Variants in CORIN observed in about 807,000 individuals in gnomAD.
CORIN encodes corin, serine peptidase.
A neutral mutation model predicts 125.3 loss-of-function variants in CORIN; 117 were observed. The observed-to-expected ratio is 0.93, with a 90% CI of 0.80 to 1.09. The LOEUF is 1.09. Among genes scored for constraint, CORIN ranks in the 50% least tolerant of loss-of-function variants. The probability of loss-of-function intolerance (pLI) is 0.00; values close to 1 mark genes in which losing one functional copy is unlikely to be tolerated. For missense variants in CORIN, 1,253 were observed against 1,306.7 expected, an observed-to-expected ratio of 0.96 and a Z score of 0.63; for synonymous variants, 450 against 466.4, an observed-to-expected ratio of 0.96 and a Z score of 0.45.
chr4:47,626,348 T>C (rs530949403), intron 17 of CORIN, 57 bp downstream of exon 17: 5 of 1,034,430 alleles, frequency 4.8e-6, no homozygotes, highest in African/African-American at 1.6e-5. Context: ...AAAGGCCCAA[T>C]GATAAACTCT....
intron 5 of CORIN, among the ~76,000 whole-genome samples, chr4:47,697,917 T>A (rs1033441234): frequency 1.1e-4 from 17 of 152,026 alleles, no homozygotes; most frequent in South Asian, 2.1e-4. Flanking sequence ...AGTTATTTCA[T>A]GAGGAACTGG....
intron 5 of CORIN, among the ~76,000 whole-genome samples, chr4:47,729,986 G>A (rs142537121): frequency 8.5e-5 from 13 of 152,116 alleles, no homozygotes; most frequent in Admixed American, 3.9e-4. Context: ...CATCCACCTC[G>A]CTGAGAGCCA....
Position 47,623,587 on chromosome 4 carries a change from C to T in CORIN, c.2524G>A (p.Ala842Thr), listed in dbSNP as rs757662978. 2.5e-6 allele frequency: 4 copies of T among 1,613,928 alleles called. No individual in the cohort carries two copies. Among genetic ancestry groups the T allele is most frequent in the Non-Finnish European group, 3.4e-6 (4 of 1,179,952 alleles). Reference protein sequence around the residue: ...LIAKKWVLTVAHCFEGRENAA... With the variant: ...LIAKKWVLTVTHCFEGRENAA... ...GCAGCTTACCCCTCGAAGCAGTGGGCAACTGTCAGAACCCACTTCTTGGCA... is the reference window on the plus strand; with the variant it reads ...GCAGCTTACCCCTCGAAGCAGTGGGTAACTGTCAGAACCCACTTCTTGGCA... The change falls in exon 19 of 22, where the codon GCC (alanine) becomes ACC (threonine). Residue 842 changes from alanine to threonine, a missense_variant. Coordinates refer to ENST00000273857, the MANE Select transcript of CORIN (RefSeq NM_006587.4).
chr4:47,800,369 A>G (rs1252462287), intron 2 of CORIN, among the ~76,000 whole-genome samples: 1 of 152,200 alleles, frequency 6.6e-6, no homozygotes, highest in Non-Finnish European at 1.5e-5. Context: ...GCACAGACGT[A>G]CTTAAATGTA....
intron 4 of CORIN, among the ~76,000 whole-genome samples, chr4:47,761,399 G>C (rs1260191970): frequency 6.6e-6 from 1 of 152,064 alleles, no homozygotes; most frequent in African/African-American, 2.4e-5. Context: ...CCAGGCGAGG[G>C]AGAGAGACAA....
chr4:47,817,662 C>T (rs2109970046), intron 1 of CORIN, among the ~76,000 whole-genome samples: 1 of 152,282 alleles, frequency 6.6e-6, no homozygotes, highest in Admixed American at 6.5e-5. Context: ...TTGTGCCAGT[C>T]TTAAAATAAG....
intron 10 of CORIN, among the ~76,000 whole-genome samples, chr4:47,666,056 C>A (rs370142883): frequency 6.6e-6 from 1 of 152,138 alleles, no homozygotes; most frequent in Admixed American, 6.5e-5. Context: ...CAGGGCCATA[C>A]GGCACCTGCT....
chr4:47,676,830 T>G (rs147345305), intron 9 of CORIN, among the ~76,000 whole-genome samples: 1 of 152,178 alleles, frequency 6.6e-6, no homozygotes, highest in African/African-American at 2.4e-5. Flanking sequence ...GAAAGAATAG[T>G]TTGATGCAAA....
intron 5 of CORIN, among the ~76,000 whole-genome samples, chr4:47,734,500 T>C (rs987187643): frequency 1.3e-5 from 2 of 152,240 alleles, no homozygotes; most frequent in African/African-American, 2.4e-5. Flanking sequence ...TCTATTCCAT[T>C]GACATTTAAC....
chr4:47,705,983 T>A (rs983929196), intron 5 of CORIN, among the ~76,000 whole-genome samples: 2 of 152,232 alleles, frequency 1.3e-5, no homozygotes, highest in African/African-American at 4.8e-5. Context: ...CATAAACCAA[T>A]AACTATGTTA....
At chr4:47,610,927 C>T (rs1721843443) in intron 19 of CORIN, among the ~76,000 whole-genome samples, 1 of 152,058 alleles carries the variant, frequency 6.6e-6, no homozygotes, top group Admixed American at 6.5e-5. Flanking sequence ...TTTCTGGGTT[C>T]TCTATTCTGT....
intron 16 of CORIN, among the ~76,000 whole-genome samples, chr4:47,635,254 G>A (rs746461935): frequency 1.3e-5 from 2 of 152,226 alleles, no homozygotes; most frequent in Non-Finnish European, 2.9e-5. Context: ...TGTTGTATCA[G>A]ATGGAGTCCC....
chr4:47,642,969 G>A (rs1198775738), intron 15 of CORIN, 177 bp downstream of exon 15: 5 of 1,536,350 alleles, frequency 3.3e-6, no homozygotes, highest in East Asian at 2.4e-5. Context: ...GCTTCGTGGG[G>A]AAATTTTCTG....
intron 16 of CORIN, among the ~76,000 whole-genome samples, chr4:47,630,340 G>T (rs1014617684): frequency 3.3e-5 from 5 of 152,182 alleles, no homozygotes; most frequent in African/African-American, 9.7e-5. Context: ...TTACGTAAAA[G>T]GTGGCTGGAA....
At chr4:47,711,502 G>A (rs1302948027) in intron 5 of CORIN, among the ~76,000 whole-genome samples, 2 of 152,166 alleles carry the variant, frequency 1.3e-5, no homozygotes, top group African/African-American at 4.8e-5. Flanking sequence ...CAGATACAGG[G>A]CTCAGCCAGC....
chr4:47,647,750 C>A (rs1305267054), intron 13 of CORIN, among the ~76,000 whole-genome samples: 2 of 152,110 alleles, frequency 1.3e-5, no homozygotes, highest in Admixed American at 1.3e-4. Flanking sequence ...TTGTAAGATG[C>A]GAACATGAAG....
chr4:47,802,667 C>T (rs1731597802), intron 2 of CORIN, among the ~76,000 whole-genome samples: 1 of 152,192 alleles, frequency 6.6e-6, no homozygotes. Context: ...TCTCTGGACC[C>T]ACCTGAGGCC....
chr4:47,639,343 T>C (rs1369623611), intron 16 of CORIN, among the ~76,000 whole-genome samples: 1 of 152,200 alleles, frequency 6.6e-6, no homozygotes, highest in Non-Finnish European at 1.5e-5. Context: ...CTGGACTTTT[T>C]TCTAACTTTG....
intron 6 of CORIN, among the ~76,000 whole-genome samples, 160 bp from the exon 7 acceptor site, chr4:47,683,998 G>A (rs1010264444): frequency 6.6e-6 from 1 of 152,134 alleles, no homozygotes; most frequent in Non-Finnish European, 1.5e-5. Flanking sequence ...GAGATACAAC[G>A]ACCTGTTCAA....
Sources: allele counts gnomAD v4.1 joint callset (sites outside exome capture counted in the v4.1 genomes callset), GRCh38; gene constraint gnomAD v4.1.1; transcripts MANE v1.5; gene names NCBI Gene and HGNC (gene_info 2026-07-23, HGNC 2026-07-21).